IRAG2: variants seen among roughly 807,000 people sequenced by gnomAD.
IRAG2 encodes the protein inositol 1,4,5-triphosphate receptor associated 2, also known as lymphoid restricted membrane protein.
A neutral mutation model predicts 69.9 loss-of-function variants in IRAG2; 45 were observed. The ratio of observed to expected loss-of-function variants is 0.64; its 90% confidence interval spans 0.51 to 0.83. The LOEUF is 0.83. IRAG2 is among the 40% of genes least tolerant of loss of function. The pLI is 0.00. For synonymous variants in IRAG2, 193 were observed against 202.4 expected (o/e 0.95, Z 0.40); for missense variants, 520 against 587.0 (o/e 0.89, Z 1.18).
chr12:25,051,617 G>A (rs1229171121), upstream of IRAG2, among the ~76,000 whole-genome samples: 2 of 152,220 alleles, frequency 1.3e-5, no homozygotes, highest in Non-Finnish European at 2.9e-5. Context: ...ATGGCACCAT[G>A]AGATCTGTGG....
At chr12:25,027,596 A>G (rs924118600) in intron 9 of IRAG2, among the ~76,000 whole-genome samples, 9 of 151,892 alleles carry the variant, frequency 5.9e-5, no homozygotes, top group Non-Finnish European at 7.4e-5. Flanking sequence ...GGGTTTCACC[A>G]TGTTAGCCAG....
chr12:25,045,623 G>C (rs1167887582), intron 16 of IRAG2, among the ~76,000 whole-genome samples: 1 of 151,802 alleles, frequency 6.6e-6, no homozygotes, highest in Non-Finnish European at 1.5e-5. Context: ...TAACCTAGAA[G>C]AAATGGAAAA....
At chr12:25,054,638 C>T (rs1055442620) in intron 1 of IRAG2, among the ~76,000 whole-genome samples, 1 of 152,084 alleles carries the variant, frequency 6.6e-6, no homozygotes, top group Non-Finnish European at 1.5e-5. Flanking sequence ...TTTTTTCTGC[C>T]TGGATAACGT....
intron 6 of IRAG2, chr12:25,075,606 C>T (rs886890661): frequency 6.7e-6 from 1 of 150,196 alleles, no homozygotes; most frequent in African/African-American, 2.4e-5. Flanking sequence ...GAATCTGTTT[C>T]ATTTTTTCCA....
At position 25,101,331 on chromosome 12, in the gene IRAG2, A is replaced by G; in HGVS notation, c.889+6A>G. 2 of 1,581,280 alleles carry G rather than the reference A, an allele frequency of 1.3e-6. 1 individual carries two copies. The highest frequency in any genetic ancestry group is 2.3e-5 in the South Asian group (2 of 86,038). On this transcript the variant is annotated splice_donor_region_variant and intron_variant, in intron 16 of 21. Coordinates refer to ENST00000556887, the MANE Select transcript of IRAG2 (RefSeq NM_001366544.2). The stretch of plus-strand genomic sequence containing the variant: ...CAATCCTCTTGAAGATGATGGTAAT[A>G]AAAGTTTATGATAATAGTATTAGTT...
intron 15 of IRAG2, 122 bp downstream of exon 15, chr12:25,097,166 A>C: frequency 1.5e-5 from 13 of 873,056 alleles, no homozygotes; most frequent in Non-Finnish European, 2.2e-5. Flanking sequence ...TATAAGACAT[A>C]TGCGTTTAAT....
At chr12:25,098,717 T>G (rs1386246843) in intron 15 of IRAG2, among the ~76,000 whole-genome samples, 3 of 152,190 alleles carry the variant, frequency 2.0e-5, no homozygotes, top group Non-Finnish European at 4.4e-5. Flanking sequence ...TCCTTTCTTT[T>G]CTGGCCACCA....
At chr12:25,098,933 C>A (rs1219472130) in intron 15 of IRAG2, among the ~76,000 whole-genome samples, 1 of 152,164 alleles carries the variant, frequency 6.6e-6, no homozygotes, top group East Asian at 1.9e-4. Context: ...TCTTCCTCTT[C>A]CTGGAAATGC....
intron 12 of IRAG2, among the ~76,000 whole-genome samples, chr12:25,032,763 G>A (rs1175762412): frequency 6.6e-6 from 1 of 152,112 alleles, no homozygotes; most frequent in Admixed American, 6.5e-5. Flanking sequence ...TTCTTATAAG[G>A]ACACTAATCC....
chr12:25,020,779 C>G (rs577249392), intron 6 of IRAG2: 15 of 1,203,792 alleles, frequency 1.2e-5, no homozygotes, highest in Admixed American at 8.4e-5. Context: ...CTTCTCCCCC[C>G]ACCCCCACAG....
intron 6 of IRAG2, among the ~76,000 whole-genome samples, chr12:25,076,213 A>G (rs1946682043): frequency 6.6e-6 from 1 of 152,226 alleles, no homozygotes; most frequent in Admixed American, 6.5e-5. Context: ...TTTTACAAAG[A>G]TGAGTGCTTT....
At chr12:25,032,384 A>G in intron 12 of IRAG2, 1 of 398,976 alleles carries the variant, frequency 2.5e-6, no homozygotes, top group Admixed American at 4.4e-5. Context: ...GTAGAGGGCA[A>G]CCCTTGCCAG....
intron 15 of IRAG2, among the ~76,000 whole-genome samples, chr12:25,037,150 T>G (rs1333437795): frequency 6.6e-6 from 1 of 152,208 alleles, no homozygotes; most frequent in Non-Finnish European, 1.5e-5. Context: ...AGGAAGCATA[T>G]GAGAAGGTAT....
At chr12:25,061,249 G>A (rs1364653022) in intron 1 of IRAG2, among the ~76,000 whole-genome samples, 3 of 152,196 alleles carry the variant, frequency 2.0e-5, no homozygotes, top group African/African-American at 7.2e-5. Context: ...CTCATACTGG[G>A]CATAGTGGCT....
Position 25,052,898 on chromosome 12 carries a change from A to G in IRAG2, c.-505A>G. The G allele has an allele frequency of 2.5e-6, 1 of 398,610 alleles. No homozygotes were observed. The highest frequency in any genetic ancestry group is 4.4e-6 in the Non-Finnish European group (1 of 226,060). 24.7% of individuals were successfully genotyped at this position (398,610 alleles called of 1,614,324 possible). A position where few individuals can be genotyped will look rare whatever the true frequency, so the allele number is the denominator to read the frequency against. The stretch of plus-strand genomic sequence containing the variant: ...CGGAACAACGGAACCTTCAAACTAT[A>G]AATACTGAATTATCGAACACTTGCC... On this transcript the variant is annotated 5_prime_UTR_variant, in exon 1 of 22. It adds an upstream start codon to the 5' untranslated region. Transcript: ENST00000556887.
chr12:25,043,675 T>C (rs1565533058), intron 16 of IRAG2, among the ~76,000 whole-genome samples: 2 of 152,050 alleles, frequency 1.3e-5, no homozygotes, highest in Admixed American at 6.6e-5. Flanking sequence ...AAAATGGTGG[T>C]TTGGATTAGT....
chr12:24,998,596 C>T, the IRAG2 span, among the ~76,000 whole-genome samples: 2 of 152,092 alleles, frequency 1.3e-5, no homozygotes, highest in South Asian at 4.1e-4. Flanking sequence ...GATGTTTCTT[C>T]TTAGGTTTTG....
chr12:25,043,635 G>A (rs533413742), intron 16 of IRAG2, among the ~76,000 whole-genome samples: 1 of 151,926 alleles, frequency 6.6e-6, no homozygotes, highest in Non-Finnish European at 1.5e-5. Context: ...GATGCATCAT[G>A]CTCTAGATGC....
intron 1 of IRAG2, chr12:25,005,053 ATGTT>A (rs993185315): frequency 4.8e-6 from 3 of 625,448 alleles, no homozygotes; most frequent in Non-Finnish European, 6.9e-6. Context: ...TGTTTTAACT[ATGTT>A]TGTTTCCAGA....
Sources: gnomAD v4.1 joint callset for allele counts (sites outside exome capture counted in the v4.1 genomes callset) on GRCh38, gnomAD v4.1.1 for gene constraint, MANE v1.5 for transcripts, NCBI Gene and HGNC (gene_info 2026-07-23, HGNC 2026-07-21) for gene names.